ZNF324: variants seen among roughly 807,000 people sequenced by gnomAD.
The protein encoded by ZNF324 is zinc finger protein 324.
A neutral mutation model predicts 10.3 loss-of-function variants in ZNF324; 3 were observed. That is an observed-to-expected ratio of 0.29 (90% CI 0.13 to 0.75). The LOEUF is 0.75. Ranked by LOEUF, ZNF324 falls within the 30% of genes least tolerant of loss-of-function variation. ZNF324 has a pLI of 0.69. For synonymous variants in ZNF324, 430 were observed against 339.5 expected, an observed-to-expected ratio of 1.27 and a Z score of -2.93; for missense variants, 763 against 784.4, an observed-to-expected ratio of 0.97 and a Z score of 0.33.
intron 1 of ZNF324, chr19:58,468,337 T>TG (rs2052999519): frequency 1.3e-6 from 1 of 768,566 alleles, no homozygotes; most frequent in Admixed American, 6.3e-5. Flanking sequence ...CTGGGGCTAT[T>TG]GGGAAGAGCC....
In ZNF324 at chr19:58,471,796, G is replaced by A; in HGVS notation, c.1304G>A (p.Ser435Asn). 6.2e-7 allele frequency: 1 copy of A among 1,613,138 alleles called. No homozygotes were observed. The change falls in exon 4 of 4, where the codon AGC (serine) becomes AAC (asparagine). Residue 435 changes from serine (S) to asparagine (N), a missense_variant. Physicochemically the swap from Ser to Asn is conservative, Grantham distance 46. Around this residue, in one of 3 missense-constraint regions of ZNF324, gnomAD observed 231 missense variants for 196.0 expected, o/e 1.18. Coordinates refer to ENST00000196482, the MANE Select transcript of ZNF324 (RefSeq NM_014347.3). ...FACPQCGRAFSHSSNLTQHQL... is the reference protein window; with the variant it reads ...FACPQCGRAFNHSSNLTQHQL... Reference sequence around the variant, plus strand: ...TGCCCACAGTGCGGCCGCGCCTTTAGCCACAGCTCCAACCTCACCCAGCAC... The same window carrying A: ...TGCCCACAGTGCGGCCGCGCCTTTAACCACAGCTCCAACCTCACCCAGCAC...
chr19:58,468,519 T>G (rs1032380904), intron 1 of ZNF324, among the ~76,000 whole-genome samples: 2 of 151,930 alleles, frequency 1.3e-5, no homozygotes, highest in Non-Finnish European at 1.5e-5. Flanking sequence ...AGCCTGGAAA[T>G]GTCAGGCAAG....
Position 58,470,966 on chromosome 19 carries a change from C to T in ZNF324, c.474C>T (p.Val158=). Residue 158 remains valine, a synonymous_variant, in exon 4 of 4, where the codon GTC becomes GTT. Coordinates refer to ENST00000196482, the MANE Select transcript of ZNF324 (RefSeq NM_014347.3). ...LLGSGSGQAS[V]SLRLTSPLRP... is the part of the protein sequence containing the mutation. ...GCTCAGGCAGTGGGCAAGCCAGCGT[C>T]AGCCTGCGACTGACCTCCCCGCTTA... 6 of 1,614,230 alleles carry T rather than the reference C, an allele frequency of 3.7e-6. No individual in the cohort carries two copies. The highest frequency in any genetic ancestry group is 1.7e-5 in the Admixed American group (1 of 60,028).
chr19:58,471,831 C>A lies in ZNF324; in HGVS notation c.1339C>A (p.His447Asn). 1 of 1,613,030 alleles carries A rather than the reference C, an allele frequency of 6.2e-7. No individual in the cohort carries two copies. The highest frequency in any genetic ancestry group is 8.5e-7 in the Non-Finnish European group (1 of 1,179,868). ...CAACCTCACCCAGCACCAGCTCCTG[C>A]ACACGGGCGAGCGGCCCTTCCGCTG... ...SSNLTQHQLL[H>N]TGERPFRCVD... Residue 447 changes from histidine (H) to asparagine (N), a missense_variant, in exon 4 of 4, where the codon CAC (histidine) becomes AAC (asparagine). Coordinates refer to ENST00000196482, the MANE Select transcript of ZNF324 (RefSeq NM_014347.3).
rs920067760 is a variant in ZNF324, at chr19:58,473,603, C to T, written c.*1449C>T. ...ATTTGTGTGAACGGTAGCAACCTGA[C>T]ACCTATTTCACCCTCATACAATGCA... On this transcript the variant is annotated 3_prime_UTR_variant, in exon 4 of 4. Transcript: ENST00000196482. The T allele has an allele frequency of 7.9e-5, 12 of 152,148 alleles. No individual in the cohort carries two copies. The highest frequency in any genetic ancestry group is 2.2e-4 in the African/African-American group (9 of 41,416). The allele number at this position is 152,148 out of a possible 1,614,324, so 9.4% of individuals were successfully genotyped here. A position where few individuals can be genotyped will look rare whatever the true frequency, so the allele number is the denominator to read the frequency against.
Position 58,475,194 on chromosome 19 carries a change from C to T in ZNF324, c.*3040C>T, listed in dbSNP as rs3794969. ...ATGCTCGGTGCTTCCAATCGGTGAT[C>T]AAGACCACTGCTCTTCATCCAGAGC... On this transcript the variant is annotated 3_prime_UTR_variant, in exon 4 of 4. Coordinates refer to ENST00000196482, the MANE Select transcript of ZNF324 (RefSeq NM_014347.3). 0.94 allele frequency: 143,225 copies of T among 152,252 alleles called. 67,495 individuals are homozygous for T. The highest frequency in any genetic ancestry group is 0.99 in the African/African-American group (40,959 of 41,536). The allele number at this position is 152,252 out of a possible 1,614,324, so 9.4% of individuals were successfully genotyped here.
chr19:58,471,653 C>G lies in ZNF324; in HGVS notation c.1161C>G (p.His387Gln). 1 of 1,611,892 alleles carries G rather than the reference C, an allele frequency of 6.2e-7. No individual in the cohort carries two copies. The highest frequency in any genetic ancestry group is 8.5e-7 in the Non-Finnish European group (1 of 1,179,808). ...GCCGCAACTCGCACCTGATCCAGCACGAGCGTACGCACACAGGCGAGAAGC... is the reference window on the plus strand; with the variant it reads ...GCCGCAACTCGCACCTGATCCAGCAGGAGCGTACGCACACAGGCGAGAAGC... ...RFCRNSHLIQHERTHTGEKPF... is the reference protein window; with the variant it reads ...RFCRNSHLIQQERTHTGEKPF... The change falls in exon 4 of 4, where the codon CAC (histidine) becomes CAG (glutamine). Residue 387 changes from histidine to glutamine, a missense_variant. Coordinates refer to ENST00000196482, the MANE Select transcript of ZNF324 (RefSeq NM_014347.3).
chr19:58,469,307 G>T lies in ZNF324; in HGVS notation c.121+1G>T, dbSNP rs866728451. 1 of 1,613,842 alleles carries T rather than the reference G, an allele frequency of 6.2e-7. No individual in the cohort carries two copies. The highest frequency in any genetic ancestry group is 1.3e-5 in the African/African-American group (1 of 74,938). On this transcript the variant is annotated splice_donor_variant, in intron 2 of 3. Coordinates refer to ENST00000196482, the MANE Select transcript of ZNF324 (RefSeq NM_014347.3). LOFTEE classifies it high-confidence loss of function. ...AACTTCGCACTTGTGGCCTCGCTGG[G>T]TAAGGTCCTAGATACTCCATGAAAT...
At chr19:58,467,740 G>A (rs2052994737) in intron 1 of ZNF324, 1 of 152,164 alleles carries the variant, frequency 6.6e-6, no homozygotes, top group South Asian at 2.1e-4. Context: ...CAAAACCTGG[G>A]AGGGGAGCCG....
In ZNF324 at chr19:58,471,638, G is replaced by A. The variant is rs769491730; in HGVS notation, c.1146G>A (p.Ser382=). The A allele has an allele frequency of 1.2e-5, 20 of 1,610,540 alleles. No individual in the cohort carries two copies. The South Asian group carries it at 1.5e-4, about 12-fold the overall frequency. The change falls in exon 4 of 4, where the codon TCG becomes TCA. Residue 382 remains serine (S), a synonymous_variant. Coordinates refer to ENST00000196482, the MANE Select transcript of ZNF324 (RefSeq NM_014347.3). The part of the protein sequence containing the change: ...AQCGRRFCRN[S]HLIQHERTHT... ...GTGGCCGCCGCTTCTGCCGCAACTCGCACCTGATCCAGCACGAGCGTACGC... is the reference window on the plus strand; with the variant it reads ...GTGGCCGCCGCTTCTGCCGCAACTCACACCTGATCCAGCACGAGCGTACGC...
In ZNF324 at chr19:58,469,228, TG is replaced by T; in HGVS notation, c.48del (p.Leu17SerfsTer13). 2 of 1,613,858 alleles carry T rather than the reference TG, an allele frequency of 1.2e-6. No individual in the cohort carries two copies. Among genetic ancestry groups the T allele is most frequent in the Non-Finnish European group, 1.7e-6 (2 of 1,179,960 alleles). On this transcript the variant is annotated frameshift_variant, in exon 2 of 4. Coordinates refer to ENST00000196482, the MANE Select transcript of ZNF324 (RefSeq NM_014347.3). LOFTEE classifies it high-confidence loss of function. ...GGCTGTGTACTTCTCCCAGGAGGAG[TG>T]GGGGCTCCTGGACACAGCCCAGAGG... ...DVAVYFSQEE[W>X]GLLDTAQRAL...
At chr19:58,469,126 G>A in intron 1 of ZNF324, 54 bp from the exon 2 acceptor site, 1 of 1,612,780 alleles carries the variant, frequency 6.2e-7, no homozygotes, top group Non-Finnish European at 8.5e-7. Flanking sequence ...GAAGCCAAAA[G>A]ATTGGATAAC....
In ZNF324 at chr19:58,473,291, G is replaced by A. The variant is rs2053054459; in HGVS notation, c.*1137G>A. The stretch of plus-strand genomic sequence containing the variant: ...GAGGACCTCCCCACCCCAGTGTAAT[G>A]GCCCTTCATGGCAGGGACAGAAAGG... On this transcript the variant is annotated 3_prime_UTR_variant, in exon 4 of 4. Coordinates refer to ENST00000196482, the MANE Select transcript of ZNF324 (RefSeq NM_014347.3). 6.6e-6 allele frequency: 1 copy of A among 152,330 alleles called. No homozygotes were observed. The highest frequency in any genetic ancestry group is 2.4e-5 in the African/African-American group (1 of 41,308). The allele number at this position is 152,330 out of a possible 1,614,324, so 9.4% of individuals were successfully genotyped here.
Position 58,470,967 on chromosome 19 carries a change from A to G in ZNF324, c.475A>G (p.Ser159Gly), listed in dbSNP as rs2053025583. 1.9e-6 allele frequency: 3 copies of G among 1,614,236 alleles called. No individual in the cohort carries two copies. Among genetic ancestry groups the G allele is most frequent in the African/African-American group, 1.3e-5 (1 of 75,070 alleles). The change falls in exon 4 of 4, where the codon AGC becomes GGC. Residue 159 changes from serine to glycine, a missense_variant. By Grantham distance (56) the Ser-to-Gly change is moderately conservative. Coordinates refer to ENST00000196482, the MANE Select transcript of ZNF324 (RefSeq NM_014347.3). ...LGSGSGQASV[S>G]LRLTSPLRPP... ...CTCAGGCAGTGGGCAAGCCAGCGTCAGCCTGCGACTGACCTCCCCGCTTAG... is the reference window on the plus strand; with the variant it reads ...CTCAGGCAGTGGGCAAGCCAGCGTCGGCCTGCGACTGACCTCCCCGCTTAG...
chr19:58,469,110 C>G, intron 1 of ZNF324, 70 bp from the exon 2 acceptor site: 5 of 1,603,744 alleles, frequency 3.1e-6, no homozygotes, highest in Non-Finnish European at 4.3e-6. Context: ...TCCAATGTGG[C>G]CCAGGGAAGC....
rs1046791902 is a variant in ZNF324 at position 58,469,802 on chromosome 19, G to A, written c.196G>A (p.Asp66Asn). 1 of 1,601,564 alleles carries A rather than the reference G, an allele frequency of 6.2e-7. No individual in the cohort carries two copies. Reference protein sequence around the residue: ...GEEPWVPSGTDTTLSRTTYRR... With the variant: ...GEEPWVPSGTNTTLSRTTYRR... ...GGAGCCCTGGGTTCCCAGTGGAACG[G>A]ACACAACCCTGTCCAGGACCACCTA... Residue 66 changes from aspartate (D) to asparagine (N), a missense_variant, in exon 3 of 4, where the codon GAC becomes AAC. Coordinates refer to ENST00000196482, the MANE Select transcript of ZNF324 (RefSeq NM_014347.3).
rs565859704 is a variant in ZNF324 at position 58,469,319 on chromosome 19, A to C, written c.121+13A>C. On this transcript the variant is annotated intron_variant, in intron 2 of 3. Transcript: ENST00000196482. ...GTGGCCTCGCTGGGTAAGGTCCTAG[A>C]TACTCCATGAAATGGGCAACTGATA... 1 of 1,611,876 alleles carries C rather than the reference A, an allele frequency of 6.2e-7. No individual in the cohort carries two copies. The highest frequency in any genetic ancestry group is 2.2e-5 in the East Asian group (1 of 44,852).
Position 58,472,015 on chromosome 19 carries a change from C to T in ZNF324, c.1523C>T (p.Thr508Ile), listed in dbSNP as rs372264496. The T allele has an allele frequency of 2.5e-6, 4 of 1,607,540 alleles. No individual in the cohort carries two copies. The highest frequency in any genetic ancestry group is 3.4e-6 in the Non-Finnish European group (4 of 1,179,720). The change falls in exon 4 of 4, where the codon ACC (threonine) becomes ATC (isoleucine). Residue 508 changes from threonine (T) to isoleucine (I), a missense_variant. Coordinates refer to ENST00000196482, the MANE Select transcript of ZNF324 (RefSeq NM_014347.3). ...HHQRIHTGEKTVRRSRASLHP... is the reference protein window; with the variant it reads ...HHQRIHTGEKIVRRSRASLHP... ...CAGAGGATCCATACCGGCGAGAAGA[C>T]CGTCCGGCGATCCAGGGCCAGCCTG...
rs1056615732 is a variant in ZNF324, at chr19:58,475,308, T to C, written c.*3154T>C. 6.6e-6 allele frequency: 1 copy of C among 152,202 alleles called. No individual in the cohort carries two copies. The highest frequency in any genetic ancestry group is 2.4e-5 in the African/African-American group (1 of 41,438). 9.4% of individuals were successfully genotyped at this position (152,202 alleles called of 1,614,324 possible). On this transcript the variant is annotated 3_prime_UTR_variant, in exon 4 of 4. Coordinates refer to ENST00000196482, the MANE Select transcript of ZNF324 (RefSeq NM_014347.3). ...AAGTAATGGCTCGGCCACTTTTAAG[T>C]GTGGAAGCAAAACTGACCCCACAGA... is the stretch of plus-strand genomic sequence containing the variant.
Sources: allele counts gnomAD v4.1 joint callset (sites outside exome capture counted in the v4.1 genomes callset), GRCh38; gene constraint gnomAD v4.1.1; regional missense constraint gnomAD v4.1.1; transcripts MANE v1.5; gene names NCBI Gene and HGNC (gene_info 2026-07-23, HGNC 2026-07-21).